Variants in ADCY7 observed in about 807,000 individuals in gnomAD.
ADCY7 encodes the protein adenylate cyclase type 7.
A neutral mutation model predicts 120.6 loss-of-function variants in ADCY7; 72 were observed. The observed-to-expected ratio is 0.60, with a 90% CI of 0.49 to 0.73. The LOEUF is 0.73. ADCY7 is among the 30% of genes least tolerant of loss of function. The pLI is 0.00. For missense variants in ADCY7, 1,227 were observed against 1,486.0 expected (o/e 0.83, Z 2.87); for synonymous variants, 661 against 628.0 (o/e 1.05, Z -0.78).
At chr16:50,305,718 T>A (rs1177806453) in intron 13 of ADCY7, 59 bp from the exon 14 acceptor site, 1 of 1,528,038 alleles carries the variant, frequency 6.5e-7, no homozygotes, top group Non-Finnish European at 9.1e-7. Flanking sequence ...TGCTGCCACC[T>A]CCTGAGGGAA....
At chr16:50,311,969 G>A in intron 20 of ADCY7, 67 bp from the exon 21 acceptor site, 1 of 1,598,340 alleles carries the variant, frequency 6.3e-7, no homozygotes, top group Non-Finnish European at 8.6e-7. Context: ...GACCTGGCTA[G>A]GAGATGCACA....
At chr16:50,311,923 C>A in intron 20 of ADCY7, 113 bp from the exon 21 acceptor site, 1 of 1,525,242 alleles carries the variant, frequency 6.6e-7, no homozygotes, top group South Asian at 1.2e-5. Flanking sequence ...GCACTGGTCC[C>A]CTGGCCAGAG....
chr16:50,272,417 C>T (rs191727280), intron 1 of ADCY7, among the ~76,000 whole-genome samples: 2 of 152,318 alleles, frequency 1.3e-5, no homozygotes, highest in East Asian at 1.9e-4. Flanking sequence ...CTGCCTCGGG[C>T]GCAGCTGACT....
At chr16:50,314,479 C>G (rs960516333) in intron 24 of ADCY7, 73 bp downstream of exon 24, 1 of 1,082,420 alleles carries the variant, frequency 9.2e-7, no homozygotes, top group African/African-American at 1.6e-5. Context: ...TGTGGCACAG[C>G]TGCACCTCGC....
chr16:50,292,977 AACCATAGCC>A, intron 5 of ADCY7, 152 bp downstream of exon 5: 2 of 1,021,626 alleles, frequency 2.0e-6, no homozygotes, highest in Non-Finnish European at 1.4e-6. Context: ...CCAGCAGGGT[AACCATAGCC>A]TGCTGACCCT....
intron 1 of ADCY7, among the ~76,000 whole-genome samples, chr16:50,287,509 G>C (rs959536763): frequency 6.6e-6 from 1 of 151,772 alleles, no homozygotes; most frequent in Admixed American, 6.6e-5. Context: ...GCAGCAGGGG[G>C]AGACGCCCAT....
At chr16:50,289,085 G>C (rs1262299592) in intron 2 of ADCY7, 3 of 197,912 alleles carry the variant, frequency 1.5e-5, no homozygotes, top group Non-Finnish European at 3.2e-5. Flanking sequence ...CCTGGGTCAG[G>C]GATGGCCTGT....
intron 24 of ADCY7, 98 bp from the exon 25 acceptor site, chr16:50,314,916 C>T (rs1325206828): frequency 1.3e-5 from 20 of 1,510,400 alleles, no homozygotes; most frequent in East Asian, 4.5e-5. Context: ...GTTTTGTCCC[C>T]GCATCCTGTG....
chr16:50,255,076 A>T (rs2032869444), intron 1 of ADCY7, among the ~76,000 whole-genome samples: 1 of 149,150 alleles, frequency 6.7e-6, no homozygotes. Context: ...GCTTGAGGCC[A>T]GAAGTTTGAA....
upstream of ADCY7, among the ~76,000 whole-genome samples, chr16:50,263,316 G>A (rs1487127519): frequency 2.0e-5 from 3 of 152,086 alleles, no homozygotes; most frequent in African/African-American, 7.2e-5. Context: ...GAGGGGTGGG[G>A]TGTCAAGTGG....
rs762915369 is a variant in ADCY7 at position 50,252,908 on chromosome 16, T to C, written c.-64+6705T>C. ...GAACTCGAAGTAACCCATTAACATATTGGTGTATATTCTTCCAGACTTCTT... is the reference window on the plus strand; with the variant it reads ...GAACTCGAAGTAACCCATTAACATACTGGTGTATATTCTTCCAGACTTCTT... On this transcript the variant is annotated intron_variant, in intron 1 of 4. Coordinates refer to the ADCY7 transcript ENST00000564044. 3.3e-5 allele frequency among the ~76,000 whole-genome samples: 5 copies of C among 152,314 alleles called. No individual in the cohort carries two copies. In the South Asian group the frequency reaches 6.2e-4, roughly 19 times the overall value.
intron 8 of ADCY7, among the ~76,000 whole-genome samples, chr16:50,300,139 CG>C (rs2035622165): frequency 6.6e-6 from 1 of 152,142 alleles, no homozygotes; most frequent in African/African-American, 2.4e-5. Context: ...GAGCGTATCT[CG>C]GTTCACCACA....
At chr16:50,246,931 C>A (rs2032607895) in intron 1 of ADCY7, among the ~76,000 whole-genome samples, 1 of 152,212 alleles carries the variant, frequency 6.6e-6, no homozygotes, top group Non-Finnish European at 1.5e-5. Flanking sequence ...AGAGCTGAAG[C>A]TGGAAATGAC....
chr16:50,245,149 T>C (rs569851217), upstream of ADCY7, among the ~76,000 whole-genome samples: 1 of 152,322 alleles, frequency 6.6e-6, no homozygotes, highest in South Asian at 2.1e-4. Flanking sequence ...GATTCCACCA[T>C]AGGTTCCCAG....
At chr16:50,268,076 T>A (rs183487234) in intron 1 of ADCY7, among the ~76,000 whole-genome samples, 1 of 152,100 alleles carries the variant, frequency 6.6e-6, no homozygotes, top group Non-Finnish European at 1.5e-5. Flanking sequence ...TCTCCGGTGG[T>A]ATTTTCTTTC....
upstream of ADCY7, among the ~76,000 whole-genome samples, chr16:50,262,331 T>C (rs1238206779): frequency 1.3e-5 from 2 of 151,712 alleles, no homozygotes; most frequent in East Asian, 3.9e-4. Context: ...GATCTCAGCT[T>C]ACTGCAACCT....
intron 14 of ADCY7, among the ~76,000 whole-genome samples, chr16:50,306,726 G>A: frequency 6.6e-6 from 1 of 152,146 alleles, no homozygotes; most frequent in Non-Finnish European, 1.5e-5. Context: ...GTGTAGGGCA[G>A]GGGAAGGCAT....
chr16:50,294,809 C>T (rs2035239113), intron 7 of ADCY7, 58 bp downstream of exon 7: 2 of 1,251,244 alleles, frequency 1.6e-6, no homozygotes, highest in Non-Finnish European at 2.3e-6. Context: ...TATTACACCC[C>T]AGGGGTGTCC....
chr16:50,314,860 C>G (rs374141267), intron 24 of ADCY7, 154 bp from the exon 25 acceptor site: 4 of 1,014,120 alleles, frequency 3.9e-6, no homozygotes, highest in Non-Finnish European at 5.8e-6. Flanking sequence ...CCAAGCCCGA[C>G]TGCAACGCAG....
Sources: gnomAD v4.1 joint callset for allele counts (sites outside exome capture counted in the v4.1 genomes callset) on GRCh38, gnomAD v4.1.1 for gene constraint, MANE v1.5 for transcripts, NCBI Gene and HGNC (gene_info 2026-07-23, HGNC 2026-07-21) for gene names.